ARB2A: variants seen among roughly 807,000 people sequenced by gnomAD.
The protein encoded by ARB2A is cotranscriptional regulator ARB2A.
the ARB2A span, among the ~76,000 whole-genome samples, chr5:93,763,409 A>C: frequency 7.9e-5 from 12 of 152,212 alleles, no homozygotes; most frequent in African/African-American, 2.9e-4. Flanking sequence ...AGTCTCTGAT[A>C]AAACAGACTT....
the ARB2A span, among the ~76,000 whole-genome samples, chr5:94,064,036 T>C: frequency 6.6e-6 from 1 of 151,506 alleles, no homozygotes; most frequent in African/African-American, 2.4e-5. Flanking sequence ...AAAAAGAATT[T>C]AAAATTATTT....
the ARB2A span, among the ~76,000 whole-genome samples, chr5:93,666,444 C>T: frequency 1.3e-5 from 2 of 151,736 alleles, no homozygotes; most frequent in Non-Finnish European, 2.9e-5. Flanking sequence ...AACCCAGACC[C>T]CCTTGGTACT....
At chr5:93,775,081 C>A in the ARB2A span, among the ~76,000 whole-genome samples, 3 of 151,880 alleles carry the variant, frequency 2.0e-5, no homozygotes, top group African/African-American at 7.3e-5. Context: ...GTAGCATATA[C>A]ATCTTCTAGT....
chr5:94,080,427 C>T, the ARB2A span, among the ~76,000 whole-genome samples: 1 of 152,136 alleles, frequency 6.6e-6, no homozygotes, highest in Non-Finnish European at 1.5e-5. Context: ...ATCCCATAAA[C>T]ATTCTCCCAG....
the ARB2A span, among the ~76,000 whole-genome samples, chr5:93,657,569 G>T: frequency 6.6e-6 from 1 of 152,226 alleles, no homozygotes; most frequent in East Asian, 1.9e-4. Context: ...TATGAGCTTG[G>T]TTAATTTTAG....
At chr5:93,881,363 G>T in the ARB2A span, 1 of 839,130 alleles carries the variant, frequency 1.2e-6, no homozygotes, top group Non-Finnish European at 1.8e-6. Flanking sequence ...AATAAATGAT[G>T]ACAAATAAAA....
chr5:93,958,608 C>G, the ARB2A span, among the ~76,000 whole-genome samples: 745 of 152,058 alleles, frequency 4.9e-3, 6 homozygotes, highest in African/African-American at 0.016. Flanking sequence ...CTTTGTGTTT[C>G]TTTGTAACTG....
chr5:93,768,720 AC>A, the ARB2A span, among the ~76,000 whole-genome samples: 1 of 152,066 alleles, frequency 6.6e-6, no homozygotes, highest in African/African-American at 2.4e-5. Context: ...AGCGAGGACT[AC>A]AGGCTCACGC....
the ARB2A span, among the ~76,000 whole-genome samples, chr5:93,697,393 C>A: frequency 4.0e-4 from 61 of 152,186 alleles, 1 homozygote; most frequent in African/African-American, 1.4e-3. Context: ...AACATTCTTT[C>A]TTATTAACTC....
the ARB2A span, among the ~76,000 whole-genome samples, chr5:93,840,974 C>A: frequency 5.3e-5 from 8 of 152,208 alleles, no homozygotes; most frequent in South Asian, 2.1e-4. Flanking sequence ...TGGGTGTGAC[C>A]TAAAATAGGA....
the ARB2A span, among the ~76,000 whole-genome samples, chr5:93,635,459 GTTTT>G: frequency 7.8e-6 from 1 of 128,932 alleles, no homozygotes; most frequent in Non-Finnish European, 1.6e-5. Context: ...TTATACGAAA[GTTTT>G]TTTTTTTTTT....
chr5:94,110,476 C>T, the ARB2A span, among the ~76,000 whole-genome samples: 1 of 152,146 alleles, frequency 6.6e-6, no homozygotes, highest in Non-Finnish European at 1.5e-5. Flanking sequence ...GCATCCTTAA[C>T]TTTTCAGCGT....
chr5:93,883,642 C>T, the ARB2A span, among the ~76,000 whole-genome samples: 3 of 151,500 alleles, frequency 2.0e-5, no homozygotes, highest in Admixed American at 6.6e-5. Context: ...GTGCCTCTTA[C>T]AACTTTTCAC....
At chr5:93,683,813 C>A in the ARB2A span, 2 of 977,242 alleles carry the variant, frequency 2.0e-6, no homozygotes, top group Non-Finnish European at 3.1e-6. Flanking sequence ...TCACACCAGG[C>A]AAAAAGTTTT....
the ARB2A span, among the ~76,000 whole-genome samples, chr5:94,070,295 A>T: frequency 6.6e-6 from 1 of 152,148 alleles, no homozygotes; most frequent in Non-Finnish European, 1.5e-5. Context: ...TCATGGAAGT[A>T]GGGAGTAGAA....
At chr5:94,110,762 A>G in the ARB2A span, among the ~76,000 whole-genome samples, 304 of 152,338 alleles carry the variant, frequency 2.0e-3, 2 homozygotes, top group Non-Finnish European at 2.1e-3. Context: ...TTTGATAAAT[A>G]TACAATGCAC....
the ARB2A span, among the ~76,000 whole-genome samples, chr5:93,708,674 A>G: frequency 1.3e-5 from 2 of 152,126 alleles, no homozygotes; most frequent in Non-Finnish European, 2.9e-5. Flanking sequence ...TGTGTGACCC[A>G]GTTCCTAACA....
chr5:93,734,463 G>A, the ARB2A span: 15 of 152,196 alleles, frequency 9.9e-5, no homozygotes, highest in Admixed American at 2.0e-4. Flanking sequence ...ATGTGATGAA[G>A]GCTATGAACC....
the ARB2A span, among the ~76,000 whole-genome samples, chr5:94,109,506 A>G: frequency 6.6e-6 from 1 of 152,248 alleles, no homozygotes; most frequent in Non-Finnish European, 1.5e-5. Context: ...AAGAGCACAG[A>G]AACATCTCTA....
Sources: gnomAD v4.1 joint callset for allele counts (sites outside exome capture counted in the v4.1 genomes callset) on GRCh38, gnomAD v4.1.1 for gene constraint, MANE v1.5 for transcripts, NCBI Gene and HGNC (gene_info 2026-07-23, HGNC 2026-07-21) for gene names.